Variants in DSC1 observed in about 807,000 individuals in gnomAD.
The protein encoded by DSC1 is desmocollin-1.
A neutral mutation model predicts 98.8 loss-of-function variants in DSC1; 79 were observed. The observed-to-expected ratio is 0.80, with a 90% CI of 0.67 to 0.96. The LOEUF (loss-of-function observed/expected upper bound fraction) is 0.96. DSC1 is among the 50% of genes least tolerant of loss of function. DSC1 has a pLI of 0.00. For missense variants in DSC1, 1,115 were observed against 1,075.9 expected (o/e 1.04, Z -0.51); for synonymous variants, 405 against 372.1 (o/e 1.09, Z -1.02).
intron 11 of DSC1, among the ~76,000 whole-genome samples, chr18:31,138,273 T>TA (rs1003924271): frequency 3.7e-4 from 56 of 152,264 alleles, no homozygotes; most frequent in African/African-American, 1.1e-3. Flanking sequence ...ATTTTATTTT[T>TA]AAAAAATTAG....
intron 4 of DSC1, 136 bp downstream of exon 4, chr18:31,155,907 T>C: frequency 1.1e-6 from 1 of 893,884 alleles, no homozygotes. Flanking sequence ...TATGGGACCC[T>C]AGTTCTGGTG....
intron 11 of DSC1, among the ~76,000 whole-genome samples, chr18:31,138,380 G>A (rs932608019): frequency 1.3e-4 from 19 of 151,910 alleles, no homozygotes; most frequent in Admixed American, 7.2e-4. Context: ...TCTTTTTGAG[G>A]AAAGTTCTCA....
intron 5 of DSC1, among the ~76,000 whole-genome samples, chr18:31,153,133 C>T (rs994413151): frequency 6.6e-6 from 1 of 151,932 alleles, no homozygotes; most frequent in African/African-American, 2.4e-5. Flanking sequence ...CTGTTCTCTC[C>T]TTTTCCCTCT....
At chr18:31,158,840 T>C (rs1375491766) in intron 2 of DSC1, among the ~76,000 whole-genome samples, 1 of 152,148 alleles carries the variant, frequency 6.6e-6, no homozygotes, top group Non-Finnish European at 1.5e-5. Flanking sequence ...GATTAGTTTA[T>C]ACAAATTAGA....
chr18:31,131,961 T>A, intron 14 of DSC1, 119 bp from the exon 15 acceptor site: 1 of 1,186,322 alleles, frequency 8.4e-7, no homozygotes, highest in Non-Finnish European at 1.2e-6. Context: ...TCCTCATACA[T>A]AAAATCAGAA....
Position 31,142,136 on chromosome 18 carries a change from T to C in DSC1, c.1123A>G (p.Met375Val), listed in dbSNP as rs541958154. 571 of 1,613,178 alleles carry C rather than the reference T, an allele frequency of 3.5e-4. 13 individuals are homozygous for C. The South Asian group carries it at 6.0e-3, about 17-fold the overall frequency. ...ENRIDVEILR[M>V]KVQDQDLPNT... Reference sequence around the variant, plus strand: ...GGCAAATCCTGATCCTGTACCTTCATTCGTAAAATCTCCACGTCAATTCTG... The same window carrying C: ...GGCAAATCCTGATCCTGTACCTTCACTCGTAAAATCTCCACGTCAATTCTG... Residue 375 changes from methionine to valine, a missense_variant, in exon 9 of 16, where the codon ATG becomes GTG. Physicochemically the swap from Met to Val is conservative, Grantham distance 21. Transcript: ENST00000257198.
intron 5 of DSC1, 124 bp from the exon 6 acceptor site, chr18:31,148,766 G>A: frequency 1.1e-6 from 1 of 930,464 alleles, no homozygotes; most frequent in Admixed American, 2.9e-5. Flanking sequence ...CCGTAACTAA[G>A]AAATGATGCA....
rs2143926581 is a variant in DSC1, at chr18:31,154,858, G to C, written c.543C>G (p.Pro181=). ...CTTTCTCTATGTAAAACAAATTGAA[G>C]GGTTCTTTGTCCACGCCTGGCCCAC... ...SISGPGVDKE[P]FNLFYIEKDT... is the part of the protein sequence containing the mutation. Residue 181 remains proline, a synonymous_variant, in exon 5 of 16, where the codon CCC becomes CCG. Coordinates refer to ENST00000257198, the MANE Select transcript of DSC1 (RefSeq NM_024421.2). 6.2e-7 allele frequency: 1 copy of C among 1,613,968 alleles called. No individual in the cohort carries two copies. The highest frequency in any genetic ancestry group is 1.3e-5 in the African/African-American group (1 of 75,022).
At chr18:31,156,357 C>T (rs1282956210) in intron 3 of DSC1, among the ~76,000 whole-genome samples, 195 bp from the exon 4 acceptor site, 1 of 152,178 alleles carries the variant, frequency 6.6e-6, no homozygotes, top group Non-Finnish European at 1.5e-5. Flanking sequence ...CTACCTATTT[C>T]TCTATTTACT....
At position 31,159,047 on chromosome 18, in the gene DSC1, G is replaced by GTTTTTTTTT. The variant is rs560889140; in HGVS notation, c.148+389_148+397dup. 3.8e-4 allele frequency among the ~76,000 whole-genome samples: 27 copies of GTTTTTTTTT among 71,066 alleles called. 3 individuals carry two copies. The highest frequency in any genetic ancestry group is 1.7e-3 in the East Asian group (3 of 1,808). 46.6% of individuals were successfully genotyped at this position (71,066 alleles called of 152,430 possible). A position where few individuals can be genotyped will look rare whatever the true frequency, so the allele number is the denominator to read the frequency against. On this transcript the variant is annotated intron_variant, in intron 2 of 15. Transcript: ENST00000257198. ...TTTAACTTCAAGTAGCTACTATGTGGTTTTTTTTTTTTTTTTTGAGACAGA... is the reference window on the plus strand; with the variant it reads ...TTTAACTTCAAGTAGCTACTATGTGGTTTTTTTTTTTTTTTTTTTTTTTTTTGAGACAGA...
intron 5 of DSC1, among the ~76,000 whole-genome samples, chr18:31,154,052 C>A (rs1464901857): frequency 6.6e-6 from 1 of 152,086 alleles, no homozygotes; most frequent in Non-Finnish European, 1.5e-5. Flanking sequence ...TTCCAAAAAC[C>A]TACTATGAAT....
intron 10 of DSC1, 49 bp downstream of exon 10, chr18:31,139,993 C>T (rs371354756): frequency 6.4e-6 from 10 of 1,574,128 alleles, no homozygotes; most frequent in Non-Finnish European, 7.7e-6. Context: ...ACTTTAAAAA[C>T]AATTTACATC....
In DSC1 at chr18:31,145,610, C is replaced by T. The variant is rs1568000562; in HGVS notation, c.939+1G>A. ...CTAGATAGTTAATTAATCATCATTA[C>T]TTCTCTATCCAGAAAAGGTGTAGTT... On this transcript the variant is annotated splice_donor_variant, in intron 7 of 15. Transcript: ENST00000257198. LOFTEE classifies it high-confidence loss of function. 6.2e-7 allele frequency: 1 copy of T among 1,613,682 alleles called. No homozygotes were observed. Among genetic ancestry groups the T allele is most frequent in the Non-Finnish European group, 8.5e-7 (1 of 1,179,662 alleles).
At chr18:31,140,719 C>T (rs1248787861) in intron 9 of DSC1, among the ~76,000 whole-genome samples, 1 of 152,150 alleles carries the variant, frequency 6.6e-6, no homozygotes, top group African/African-American at 2.4e-5. Context: ...TTACTCTATG[C>T]CTGACTCAAA....
chr18:31,150,195 TCATCACCACCACCACCAC>T (rs1988939451), intron 5 of DSC1, among the ~76,000 whole-genome samples: 1 of 123,034 alleles, frequency 8.1e-6, no homozygotes, highest in African/African-American at 3.1e-5. Flanking sequence ...ACCACCATCA[TCATCACCACCACCACCAC>T]CATCACCACC....
At chr18:31,144,483 C>T (rs906713585) in intron 7 of DSC1, among the ~76,000 whole-genome samples, 5 of 152,058 alleles carry the variant, frequency 3.3e-5, no homozygotes, top group African/African-American at 1.2e-4. Flanking sequence ...AAGCATATTA[C>T]TAAATGAAAG....
chr18:31,139,849 T>G lies in DSC1; in HGVS notation c.1562A>C (p.Asn521Thr), dbSNP rs115338830. 3.0e-4 allele frequency: 484 copies of G among 1,610,966 alleles called. 2 individuals carry two copies. The African/African-American group carries it at 6.0e-3, about 20-fold the overall frequency. Residue 521 changes from asparagine to threonine, a missense_variant, in exon 11 of 16, where the codon AAT (asparagine) becomes ACT (threonine). Asn to Thr is a moderately conservative substitution (Grantham distance 65). Transcript: ENST00000257198. ...LGDEDNWFEINQHTGDLRTLK... is the reference protein window; with the variant it reads ...LGDEDNWFEITQHTGDLRTLK... Reference sequence around the variant, plus strand: ...AGTTCTCAAGTCGCCAGTGTGTTGATTAATTTCAAACCAGTTATCTTCATC... The same window carrying G: ...AGTTCTCAAGTCGCCAGTGTGTTGAGTAATTTCAAACCAGTTATCTTCATC...
chr18:31,134,760 A>G lies in DSC1; in HGVS notation c.1688T>C (p.Leu563Ser). ...GTTGTAATCATCCAAATGAACTACT[A>G]ATGTTCCAGTGCAAGATCGGCCAAC... is the stretch of plus-strand genomic sequence containing the variant. ...DAVGRSCTGT[L>S]VVHLDDYNDH... The change falls in exon 12 of 16, where the codon TTA becomes TCA. Residue 563 changes from leucine (L) to serine (S), a missense_variant. Coordinates refer to ENST00000257198, the MANE Select transcript of DSC1 (RefSeq NM_024421.2). The G allele has an allele frequency of 6.2e-7, 1 of 1,612,190 alleles. No individual in the cohort carries two copies. The highest frequency in any genetic ancestry group is 8.5e-7 in the Non-Finnish European group (1 of 1,178,582).
At chr18:31,135,342 C>T (rs549792709) in intron 11 of DSC1, among the ~76,000 whole-genome samples, 50 of 152,228 alleles carry the variant, frequency 3.3e-4, no homozygotes, top group African/African-American at 4.8e-4. Flanking sequence ...TCATGAAACT[C>T]GTGACTTCCA....
Sources: gnomAD v4.1 joint callset for allele counts (sites outside exome capture counted in the v4.1 genomes callset) on GRCh38, gnomAD v4.1.1 for gene constraint, MANE v1.5 for transcripts, NCBI Gene and HGNC (gene_info 2026-07-23, HGNC 2026-07-21) for gene names.